The following RHOBTB2 variants were observed in gnomAD, a reference collection of about 807,000 sequenced individuals.
The protein encoded by RHOBTB2 is Rho related BTB domain containing 2, also known as rho-related BTB domain-containing protein 2.
In RHOBTB2, 39 loss-of-function variants were observed where a neutral mutation model predicts 66.5. The ratio of observed to expected loss-of-function variants is 0.59; its 90% confidence interval spans 0.45 to 0.77. The LOEUF is 0.77. RHOBTB2 is among the 30% of genes least tolerant of loss of function. The pLI is 0.00. For missense variants in RHOBTB2, 755 were observed against 999.1 expected (o/e 0.76, Z 3.29); for synonymous variants, 390 against 395.0 (o/e 0.99, Z 0.15).
At position 22,999,745 on chromosome 8, in the gene RHOBTB2, G is replaced by A. The variant is rs1287260224; in HGVS notation, c.-371G>A. ...CCGCGGGCCCGGGCGCGTAGCGGCG[G>A]CGGCCTCGCCCCTCTCCCGGCGCCC... On this transcript the variant is annotated 5_prime_UTR_variant, in exon 1 of 10. Transcript: ENST00000251822. 5.6e-6 allele frequency: 6 copies of A among 1,071,950 alleles called. No homozygotes were observed. The highest frequency in any genetic ancestry group is 6.8e-6 in the Non-Finnish European group (6 of 880,326). 66.4% of individuals were successfully genotyped at this position (1,071,950 alleles called of 1,614,324 possible). A position where few individuals can be genotyped will look rare whatever the true frequency, so the allele number is the denominator to read the frequency against.
intron 1 of RHOBTB2, among the ~76,000 whole-genome samples, chr8:23,002,042 A>C (rs1369338668): frequency 2.0e-5 from 3 of 152,212 alleles, no homozygotes; most frequent in Non-Finnish European, 4.4e-5. Flanking sequence ...GTGTTCTGGC[A>C]TTATTCTCAC....
chr8:22,999,332 C>G (rs1810680617), upstream of RHOBTB2, among the ~76,000 whole-genome samples: 1 of 152,134 alleles, frequency 6.6e-6, no homozygotes, highest in South Asian at 2.1e-4. Context: ...GTCCGGAGAG[C>G]CTTTGCGCCT....
At chr8:22,987,843 T>A (rs12155880) in intron 1 of RHOBTB2, among the ~76,000 whole-genome samples, 36,521 of 152,010 alleles carry the variant, frequency 0.24, 5,212 homozygotes, top group East Asian at 0.41. Context: ...GGTGGAGGGC[T>A]TCCACTCGTC....
intron 3 of RHOBTB2, 145 bp downstream of exon 3, chr8:23,005,620 G>A (rs995175921): frequency 9.1e-6 from 6 of 656,174 alleles, no homozygotes; most frequent in African/African-American, 5.4e-5. Context: ...GGGGGCTGGG[G>A]CAGCCTGGTG....
upstream of RHOBTB2, chr8:22,994,610 T>C: frequency 6.4e-7 from 1 of 1,551,652 alleles, no homozygotes; most frequent in Non-Finnish European, 8.7e-7. Flanking sequence ...AAGGCCCCGA[T>C]GGCCCCCAGA....
the RHOBTB2 span, among the ~76,000 whole-genome samples, chr8:22,958,950 G>A: frequency 1.3e-5 from 2 of 152,170 alleles, no homozygotes; most frequent in African/African-American, 4.8e-5. Context: ...TGGGGCCACT[G>A]TGTATGGTAA....
upstream of RHOBTB2, among the ~76,000 whole-genome samples, chr8:22,996,447 C>T (rs948284351): frequency 6.6e-6 from 1 of 150,580 alleles, no homozygotes; most frequent in South Asian, 2.1e-4. Flanking sequence ...AACTGCTCCT[C>T]GGAATCACAC....
At chr8:22,956,420 T>C in the RHOBTB2 span, among the ~76,000 whole-genome samples, 4 of 152,138 alleles carry the variant, frequency 2.6e-5, no homozygotes, top group Admixed American at 2.6e-4. Context: ...GTTCTCATGA[T>C]AGTGAGTTCT....
At chr8:22,953,030 C>T in the RHOBTB2 span, among the ~76,000 whole-genome samples, 2 of 152,166 alleles carry the variant, frequency 1.3e-5, no homozygotes. Context: ...CATTGGCATG[C>T]TTCTGGGGAA....
chr8:23,017,617 G>A lies in RHOBTB2; in HGVS notation c.*148G>A, dbSNP rs1462888440. 4.6e-6 allele frequency: 6 copies of A among 1,308,174 alleles called. No homozygotes were observed. Among genetic ancestry groups the A allele is most frequent in the Middle Eastern group, 2.7e-4 (1 of 3,678 alleles). 81.0% of individuals were successfully genotyped at this position (1,308,174 alleles called of 1,614,324 possible). A position where few individuals can be genotyped will look rare whatever the true frequency, so the allele number is the denominator to read the frequency against. The stretch of plus-strand genomic sequence containing the variant: ...GGTGGAGCTCTTCTTACCAGCCACC[G>A]TGGCTCAGCCAGAGAGGAGCTGAGC... On this transcript the variant is annotated 3_prime_UTR_variant, in exon 10 of 10. Coordinates refer to ENST00000251822, the MANE Select transcript of RHOBTB2 (RefSeq NM_015178.3). This position sits in a 1 kb window ranked among gnomAD's most constrained non-coding sequence, Gnocchi z 5.3.
intron 6 of RHOBTB2, among the ~76,000 whole-genome samples, chr8:23,008,503 C>T (rs1252432534): frequency 6.6e-6 from 1 of 152,210 alleles, no homozygotes; most frequent in African/African-American, 2.4e-5. Flanking sequence ...TTGTACCTTA[C>T]TGCCTCCCTG....
upstream of RHOBTB2, among the ~76,000 whole-genome samples, chr8:22,983,181 T>C (rs1409147022): frequency 6.6e-6 from 1 of 151,282 alleles, no homozygotes; most frequent in Admixed American, 6.6e-5. Context: ...GATGGGGAGG[T>C]GCCTCTGATG....
rs756631854 is a variant in RHOBTB2, at chr8:23,004,404, C to T, written c.-10-21C>T. ...AGCTGGCATGCCATGCCGTCCTGACCGCCTCCCTCCTCTCCCTCAGGTCCC... is the reference window on the plus strand; with the variant it reads ...AGCTGGCATGCCATGCCGTCCTGACTGCCTCCCTCCTCTCCCTCAGGTCCC... On this transcript the variant is annotated intron_variant, in intron 1 of 9. Transcript: ENST00000251822. This position sits in a 1 kb window ranked among gnomAD's most constrained non-coding sequence, Gnocchi z 6.4. The T allele has an allele frequency of 1.7e-5, 28 of 1,608,598 alleles. No individual in the cohort carries two copies. Among genetic ancestry groups the T allele is most frequent in the African/African-American group, 4.0e-5 (3 of 74,806 alleles).
chr8:23,000,285 T>C (rs1326545906), intron 1 of RHOBTB2, among the ~76,000 whole-genome samples, 180 bp downstream of exon 1: 1 of 152,214 alleles, frequency 6.6e-6, no homozygotes, highest in African/African-American at 2.4e-5. Flanking sequence ...CCGGTGTTTC[T>C]AGGGAAAGGA....
Position 22,999,614 on chromosome 8 carries a change from TTTC to T in RHOBTB2, c.-499_-497del. ...CCTCCTTTTTTTACCCTCCCGTTTT[TTTC>T]TTTTCTTTTTTTTTTCCCTATCCTT... is the stretch of plus-strand genomic sequence containing the variant. On this transcript the variant is annotated 5_prime_UTR_variant, in exon 1 of 10. Transcript: ENST00000251822. The T allele has an allele frequency of 8.1e-7, 1 of 1,239,718 alleles. No individual in the cohort carries two copies. Among genetic ancestry groups the T allele is most frequent in the South Asian group, 1.3e-5 (1 of 75,186 alleles). The allele number at this position is 1,239,718 out of a possible 1,614,324, so 76.8% of individuals were successfully genotyped here.
At position 23,015,683 on chromosome 8, in the gene RHOBTB2, T is replaced by A; in HGVS notation, c.1906T>A (p.Cys636Ser). ...QLADWCLHHI[C>S]TNYNNVCRKF... ...GGCCGACTGGTGTCTCCACCACATC[T>A]GCACCAACTACAACAACGTGTGCCG... The change falls in exon 9 of 10, where the codon TGC becomes AGC. Residue 636 changes from cysteine to serine, a missense_variant. By Grantham distance (112) the Cys-to-Ser change is moderately radical. This residue lies in a region of RHOBTB2 where 353 missense variants were observed against 458.2 expected (regional missense o/e 0.77). Coordinates refer to ENST00000251822, the MANE Select transcript of RHOBTB2 (RefSeq NM_015178.3). 6.2e-7 allele frequency: 1 copy of A among 1,614,076 alleles called. No homozygotes were observed. The highest frequency in any genetic ancestry group is 8.5e-7 in the Non-Finnish European group (1 of 1,179,950).
At chr8:22,986,870 G>A (rs1018039554), upstream of RHOBTB2, among the ~76,000 whole-genome samples, 10 of 152,146 alleles carry the variant, frequency 6.6e-5, no homozygotes, top group Admixed American at 2.6e-4. Context: ...CCGGATGTCC[G>A]GCCACTGTGA....
chr8:22,993,116 G>C (rs540233833), intron 2 of RHOBTB2, among the ~76,000 whole-genome samples: 30 of 152,340 alleles, frequency 2.0e-4, no homozygotes, highest in Middle Eastern at 3.4e-3. Context: ...CAGGGCACTA[G>C]AGCCAAGGTG....
At chr8:22,978,122 A>T in the RHOBTB2 span, 2 of 151,672 alleles carry the variant, frequency 1.3e-5, no homozygotes, top group Admixed American at 1.3e-4. Flanking sequence ...GTGAGACCCC[A>T]TCTCTAAAAA....
Sources: gnomAD v4.1 joint callset for allele counts (sites outside exome capture counted in the v4.1 genomes callset) on GRCh38, gnomAD v4.1.1 for gene constraint, gnomAD v4.1.1 regional missense constraint, Gnocchi (gnomAD v3.1) non-coding constraint, MANE v1.5 for transcripts, NCBI Gene and HGNC (gene_info 2026-07-23, HGNC 2026-07-21) for gene names.